Variants in ITGA8 observed in about 807,000 individuals in gnomAD.
The protein encoded by ITGA8 is integrin alpha-8.
ITGA8 carries 91 observed loss-of-function variants against 142.3 expected under a neutral mutation model. That is an observed-to-expected ratio of 0.64 (90% CI 0.54 to 0.76). The LOEUF (loss-of-function observed/expected upper bound fraction) is 0.76. Among genes scored for constraint, ITGA8 ranks in the 30% least tolerant of loss-of-function variants. The probability of loss-of-function intolerance (pLI) is 0.00; values close to 1 mark genes in which losing one functional copy is unlikely to be tolerated. For synonymous variants in ITGA8, 505 were observed against 485.2 expected (o/e 1.04, Z -0.54); for missense variants, 1,406 against 1,327.7 (o/e 1.06, Z -0.92).
intron 4 of ITGA8, among the ~76,000 whole-genome samples, chr10:15,682,595 C>G (rs993598099): frequency 6.6e-5 from 10 of 152,158 alleles, no homozygotes; most frequent in African/African-American, 2.2e-4. Context: ...CGGCGCACGA[C>G]TGTAATCCCA....
At chr10:15,627,044 C>T (rs1053083017) in intron 13 of ITGA8, among the ~76,000 whole-genome samples, 5 of 152,134 alleles carry the variant, frequency 3.3e-5, no homozygotes, top group Non-Finnish European at 7.3e-5. Context: ...GAACTTCCAG[C>T]ATGAGCCAGG....
In ITGA8 at chr10:15,516,947, G is replaced by T; in HGVS notation, c.*211C>A. The T allele has an allele frequency of 2.2e-6, 1 of 446,398 alleles. No homozygotes were observed. Among genetic ancestry groups the T allele is most frequent in the Non-Finnish European group, 4.0e-6 (1 of 249,758 alleles). 27.7% of individuals were successfully genotyped at this position (446,398 alleles called of 1,614,324 possible). A position where few individuals can be genotyped will look rare whatever the true frequency, so the allele number is the denominator to read the frequency against. ...TCCACAATTGCTGATGGCTTCTCCA[G>T]CTTTGGTGTTTCCTTTTCCAACAGG... On this transcript the variant is annotated 3_prime_UTR_variant, in exon 30 of 30. Coordinates refer to ENST00000378076, the MANE Select transcript of ITGA8 (RefSeq NM_003638.3).
chr10:15,573,049 T>G (rs9333206), intron 24 of ITGA8, among the ~76,000 whole-genome samples: 12,041 of 152,264 alleles, frequency 0.079, 857 homozygotes, highest in East Asian at 0.29. Context: ...TTTTAAAAAT[T>G]TAAAGTCAGC....
chr10:15,714,914 A>G (rs1033669375), intron 2 of ITGA8, among the ~76,000 whole-genome samples: 3 of 152,178 alleles, frequency 2.0e-5, no homozygotes, highest in East Asian at 3.9e-4. Context: ...TGAAAGGTCA[A>G]ATTTACTTAG....
intron 13 of ITGA8, among the ~76,000 whole-genome samples, chr10:15,625,231 C>A (rs770050216): frequency 1.3e-5 from 2 of 152,096 alleles, no homozygotes; most frequent in Non-Finnish European, 2.9e-5. Flanking sequence ...GATTGTTTTC[C>A]TTTTAAAACA....
At chr10:15,635,003 C>CTTTTT (rs915334219) in intron 13 of ITGA8, among the ~76,000 whole-genome samples, 111 of 107,154 alleles carry the variant, frequency 1.0e-3, no homozygotes, top group African/African-American at 1.5e-3. Context: ...TTCTTTCTTT[C>CTTTTT]TTTTTTTTTT....
In ITGA8 at chr10:15,587,831, T is replaced by C. The variant is rs563480717; in HGVS notation, c.2292-1167A>G. 3.3e-5 allele frequency among the ~76,000 whole-genome samples: 5 copies of C among 152,308 alleles called. 1 individual carries two copies. In the South Asian group the frequency reaches 1.0e-3, roughly 32 times the overall value. On this transcript the variant is annotated intron_variant, in intron 22 of 29. Transcript: ENST00000378076. ...AATATAATTAGATATGAAACAACTTTTAAAAATGCATGGGTTTCAAAATGT... is the reference window on the plus strand; with the variant it reads ...AATATAATTAGATATGAAACAACTTCTAAAAATGCATGGGTTTCAAAATGT...
At chr10:15,627,019 T>G (rs1833596249) in intron 13 of ITGA8, among the ~76,000 whole-genome samples, 1 of 152,118 alleles carries the variant, frequency 6.6e-6, no homozygotes, top group Non-Finnish European at 1.5e-5. Flanking sequence ...CACCCTCATC[T>G]AAGAACTCAT....
rs1329962272 is a variant in ITGA8, at chr10:15,533,169, G to T, written c.2881-2018C>A. Reference sequence around the variant, plus strand: ...TTTTACAAAGTTCTTTTTCCCCTGTGGCAGAATTTTTTTCTCCATTAGATA... The same window carrying T: ...TTTTACAAAGTTCTTTTTCCCCTGTTGCAGAATTTTTTTCTCCATTAGATA... On this transcript the variant is annotated intron_variant, in intron 27 of 29. Coordinates refer to ENST00000378076, the MANE Select transcript of ITGA8 (RefSeq NM_003638.3). Among the ~76,000 whole-genome samples the T allele has an allele frequency of 4.6e-5, 7 of 152,070 alleles. No individual in the cohort carries two copies. In the East Asian group the frequency reaches 1.3e-3, roughly 29 times the overall value.
intron 28 of ITGA8, among the ~76,000 whole-genome samples, chr10:15,521,916 T>C (rs1036244316): frequency 6.6e-6 from 1 of 151,932 alleles, no homozygotes; most frequent in African/African-American, 2.4e-5. Context: ...CTCATGGAGG[T>C]AGAGGGTAGA....
chr10:15,540,705 T>C (rs930260515), intron 27 of ITGA8, among the ~76,000 whole-genome samples: 3 of 152,190 alleles, frequency 2.0e-5, no homozygotes, highest in Non-Finnish European at 2.9e-5. Context: ...GATGTCAGCA[T>C]AGGTGCATTC....
rs541319827 is a variant in ITGA8, at chr10:15,531,342, C to G, written c.2881-191G>C. Reference sequence around the variant, plus strand: ...TCCATCCACCCACACATCCATGCATCCATGCATCCATCCATCTAAGCGTCG... The same window carrying G: ...TCCATCCACCCACACATCCATGCATGCATGCATCCATCCATCTAAGCGTCG... On this transcript the variant is annotated intron_variant, in intron 27 of 29. Coordinates refer to ENST00000378076, the MANE Select transcript of ITGA8 (RefSeq NM_003638.3). Among the ~76,000 whole-genome samples, 24 of 152,248 alleles carry G rather than the reference C, an allele frequency of 1.6e-4. No homozygotes were observed. In the South Asian group the frequency reaches 4.8e-3, roughly 30 times the overall value.
At chr10:15,677,701 G>T (rs997546479) in intron 5 of ITGA8, 64 bp from the exon 6 acceptor site, 16 of 1,494,866 alleles carry the variant, frequency 1.1e-5, no homozygotes, top group Non-Finnish European at 1.4e-5. Flanking sequence ...TTTTTAAAGG[G>T]TGATAAATTG....
chr10:15,646,809 G>A (rs1305610570), intron 12 of ITGA8, 37 bp downstream of exon 12: 32 of 1,515,876 alleles, frequency 2.1e-5, no homozygotes, highest in Admixed American at 3.4e-5. Context: ...CAGTGGTGAC[G>A]ACACATAAAT....
chr10:15,647,346 T>C lies in ITGA8; in HGVS notation c.1002-295A>G, dbSNP rs549630069. Among the ~76,000 whole-genome samples the C allele has an allele frequency of 3.9e-5, 6 of 152,290 alleles. No individual in the cohort carries two copies. In the South Asian group the frequency reaches 1.0e-3, roughly 26 times the overall value. On this transcript the variant is annotated intron_variant, in intron 11 of 29. Transcript: ENST00000378076. Reference sequence around the variant, plus strand: ...CTTCTTAGTGCATTTCCAGAAACTGTACTTGCACAAAGCAAACATATCAAG... The same window carrying C: ...CTTCTTAGTGCATTTCCAGAAACTGCACTTGCACAAAGCAAACATATCAAG...
intron 2 of ITGA8, among the ~76,000 whole-genome samples, chr10:15,700,510 C>T (rs1265425905): frequency 2.0e-5 from 3 of 152,170 alleles, no homozygotes; most frequent in Non-Finnish European, 2.9e-5. Context: ...TCGCAGTAAA[C>T]ATGCAAATAA....
rs561116787 is a variant in ITGA8 at position 15,672,880 on chromosome 10, G to A, written c.677-131C>T. Reference sequence around the variant, plus strand: ...TTGATGATGAATTTTCCCGCCTGCCGCTCAAACTCCAAGGCAGAGTTAGTT... The same window carrying A: ...TTGATGATGAATTTTCCCGCCTGCCACTCAAACTCCAAGGCAGAGTTAGTT... On this transcript the variant is annotated intron_variant, in intron 6 of 29. Transcript: ENST00000378076. 128 of 957,566 alleles carry A rather than the reference G, an allele frequency of 1.3e-4. No homozygotes were observed. In the South Asian group the frequency reaches 2.3e-3, roughly 17 times the overall value. The allele number at this position is 957,566 out of a possible 1,614,324, so 59.3% of individuals were successfully genotyped here.
chr10:15,548,701 AAT>A (rs1337061709), intron 26 of ITGA8, 133 bp from the exon 27 acceptor site: 11 of 552,664 alleles, frequency 2.0e-5, no homozygotes, highest in Non-Finnish European at 3.1e-5. Flanking sequence ...AATAAAGAAC[AAT>A]ATATTGCAAC....
intron 6 of ITGA8, 117 bp downstream of exon 6, chr10:15,677,475 C>G: frequency 2.6e-6 from 2 of 758,032 alleles, no homozygotes; most frequent in Non-Finnish European, 4.2e-6. Context: ...ATTTGAGAAA[C>G]TATGAATAAG....
Sources: gnomAD v4.1 joint callset for allele counts (sites outside exome capture counted in the v4.1 genomes callset) on GRCh38, gnomAD v4.1.1 for gene constraint, MANE v1.5 for transcripts, NCBI Gene and HGNC (gene_info 2026-07-23, HGNC 2026-07-21) for gene names.